The following CTNNA3 variants were observed in gnomAD, a reference collection of about 807,000 sequenced individuals.
CTNNA3 encodes catenin alpha 3, also known as catenin alpha-3.
A neutral mutation model predicts 95.7 loss-of-function variants in CTNNA3; 76 were observed. That is an observed-to-expected ratio of 0.79 (90% CI 0.66 to 0.96). The LOEUF (loss-of-function observed/expected upper bound fraction) is 0.96. Ranked by LOEUF, CTNNA3 falls within the 40% of genes least tolerant of loss-of-function variation. The pLI is 0.00. For missense variants in CTNNA3, 1,191 were observed against 1,089.8 expected (o/e 1.09, Z -1.31); for synonymous variants, 431 against 374.4 (o/e 1.15, Z -1.74).
At chr10:66,831,282 T>A (rs535944157) in intron 7 of CTNNA3, among the ~76,000 whole-genome samples, 2 of 152,330 alleles carry the variant, frequency 1.3e-5, no homozygotes, top group East Asian at 3.9e-4. Context: ...AAGGCCTTTG[T>A]AAGCTTGTGA....
intron 3 of CTNNA3, among the ~76,000 whole-genome samples, chr10:67,589,544 T>C (rs1254939178): frequency 1.3e-5 from 2 of 152,172 alleles, no homozygotes; most frequent in Non-Finnish European, 2.9e-5. Context: ...TTCCTTTCCA[T>C]AATCTTTCTC....
At chr10:66,705,821 T>C (rs1029004099) in intron 9 of CTNNA3, among the ~76,000 whole-genome samples, 1 of 152,104 alleles carries the variant, frequency 6.6e-6, no homozygotes, top group Non-Finnish European at 1.5e-5. Flanking sequence ...GCTTTATTCA[T>C]TTCTAGCCCA....
rs185641456 is a variant in CTNNA3, at chr10:67,149,572, T to C, written c.1047+30745A>G. Among the ~76,000 whole-genome samples, 177 of 152,056 alleles carry C rather than the reference T, an allele frequency of 1.2e-3. 1 individual carries two copies. The highest frequency in any genetic ancestry group is 4.1e-3 in the African/African-American group (168 of 41,480). ...TGCACTCCAGCCTGGGCAACAGAGA[T>C]AGACTCCGTCTCAAAAAACAAAAAG... On this transcript the variant is annotated intron_variant, in intron 7 of 17. Coordinates refer to ENST00000433211, the MANE Select transcript of CTNNA3 (RefSeq NM_013266.4).
At chr10:67,056,911 G>A (rs1044992734) in intron 7 of CTNNA3, among the ~76,000 whole-genome samples, 2 of 152,160 alleles carry the variant, frequency 1.3e-5, no homozygotes, top group East Asian at 1.9e-4. Flanking sequence ...GTGGTGGCCT[G>A]AGTGAATCTG....
intron 10 of CTNNA3, among the ~76,000 whole-genome samples, chr10:66,555,908 A>G (rs1564530681): frequency 6.6e-6 from 1 of 152,112 alleles, no homozygotes; most frequent in Non-Finnish European, 1.5e-5. Context: ...ACAGAAATAA[A>G]AAAGAGCAAT....
chr10:67,282,109 C>T (rs1218748246), intron 5 of CTNNA3, among the ~76,000 whole-genome samples: 1 of 152,100 alleles, frequency 6.6e-6, no homozygotes, highest in Non-Finnish European at 1.5e-5. Flanking sequence ...GTAAATTAAA[C>T]AGAAAATAAG....
intron 10 of CTNNA3, among the ~76,000 whole-genome samples, chr10:66,565,430 A>G (rs1211175834): frequency 1.3e-5 from 2 of 152,216 alleles, no homozygotes; most frequent in Non-Finnish European, 2.9e-5. Context: ...TCAAGAAGAG[A>G]GGCCATTAGC....
intron 17 of CTNNA3, among the ~76,000 whole-genome samples, chr10:65,958,514 C>G (rs1032898878): frequency 6.6e-6 from 1 of 152,152 alleles, no homozygotes; most frequent in Admixed American, 6.5e-5. Flanking sequence ...TTCTCCCCAT[C>G]TTTGTGGTTT....
chr10:67,686,246 G>C (rs1840727938), intron 1 of CTNNA3, among the ~76,000 whole-genome samples: 1 of 152,212 alleles, frequency 6.6e-6, no homozygotes, highest in Admixed American at 6.5e-5. Context: ...TCTGCTAACT[G>C]GGTGCTGGTC....
At chr10:67,408,830 T>C (rs1006895949) in intron 5 of CTNNA3, among the ~76,000 whole-genome samples, 3 of 142,262 alleles carry the variant, frequency 2.1e-5, no homozygotes, top group African/African-American at 8.0e-5. Context: ...TTTTGGAAAC[T>C]ATGTATCTGA....
intron 5 of CTNNA3, among the ~76,000 whole-genome samples, chr10:67,257,692 C>T (rs534678044): frequency 1.8e-4 from 28 of 151,874 alleles, no homozygotes; most frequent in Admixed American, 3.9e-4. Context: ...TTTTGTCTTG[C>T]GTCATTTTTG....
At chr10:66,608,484 AG>A in intron 10 of CTNNA3, among the ~76,000 whole-genome samples, 1 of 152,296 alleles carries the variant, frequency 6.6e-6, no homozygotes, top group South Asian at 2.1e-4. Flanking sequence ...GAGCCCGAAT[AG>A]CCAAGACAAT....
rs558359433 is a variant in CTNNA3 at position 65,913,205 on chromosome 10, A to T, written c.*7125T>A. 3.9e-5 allele frequency: 6 copies of T among 152,176 alleles called. No homozygotes were observed. The highest frequency in any genetic ancestry group is 8.8e-5 in the Non-Finnish European group (6 of 68,022). The allele number at this position is 152,176 out of a possible 1,614,324, so 9.4% of individuals were successfully genotyped here. The stretch of plus-strand genomic sequence containing the variant: ...CAAAGTTGTTGTTGTAATACGACAT[A>T]AAGTAAATGATTTTTTTCCCCCAAG... On this transcript the variant is annotated 3_prime_UTR_variant, in exon 18 of 18. Transcript: ENST00000433211.
intron 5 of CTNNA3, among the ~76,000 whole-genome samples, chr10:67,266,658 T>C (rs1292001766): frequency 6.6e-6 from 1 of 152,188 alleles, no homozygotes; most frequent in African/African-American, 2.4e-5. Flanking sequence ...TTTGTGGAGA[T>C]GAGTAACTCA....
At position 66,473,759 on chromosome 10, in the gene CTNNA3, T is replaced by C. The variant is rs959392440; in HGVS notation, c.1531+46858A>G. On this transcript the variant is annotated intron_variant, in intron 11 of 17. Coordinates refer to ENST00000433211, the MANE Select transcript of CTNNA3 (RefSeq NM_013266.4). ...CAATTCCCATCTATGAGTGAGAACATGCGGTGTTTGGTTTTTTGTCCTTGT... is the reference window on the plus strand; with the variant it reads ...CAATTCCCATCTATGAGTGAGAACACGCGGTGTTTGGTTTTTTGTCCTTGT... Among the ~76,000 whole-genome samples the C allele has an allele frequency of 3.3e-5, 5 of 151,906 alleles. 1 individual carries two copies. Among genetic ancestry groups the C allele is most frequent in the Admixed American group, 2.0e-4 (3 of 15,238 alleles).
intron 13 of CTNNA3, among the ~76,000 whole-genome samples, chr10:66,125,573 A>C (rs1052263490): frequency 3.3e-5 from 5 of 152,214 alleles, no homozygotes; most frequent in African/African-American, 1.2e-4. Flanking sequence ...TTCATAGAAA[A>C]CAGAAATACT....
At chr10:67,014,533 T>G (rs1190194994) in intron 7 of CTNNA3, among the ~76,000 whole-genome samples, 1 of 152,194 alleles carries the variant, frequency 6.6e-6, no homozygotes, top group Non-Finnish European at 1.5e-5. Context: ...GAGAAGATAC[T>G]GTTCCTATGA....
chr10:66,014,403 T>C (rs555772672), intron 15 of CTNNA3, among the ~76,000 whole-genome samples: 192 of 152,284 alleles, frequency 1.3e-3, no homozygotes, highest in African/African-American at 4.5e-3. Flanking sequence ...AGGCATTACA[T>C]AAATCTCTAG....
intron 15 of CTNNA3, among the ~76,000 whole-genome samples, chr10:65,992,803 T>C (rs1346818618): frequency 6.6e-6 from 1 of 152,154 alleles, no homozygotes; most frequent in African/African-American, 2.4e-5. Flanking sequence ...TGTTCTTGCT[T>C]TTCTAATTCC....
Sources: allele counts gnomAD v4.1 joint callset (sites outside exome capture counted in the v4.1 genomes callset), GRCh38; gene constraint gnomAD v4.1.1; transcripts MANE v1.5; gene names NCBI Gene and HGNC (gene_info 2026-07-23, HGNC 2026-07-21).